Variants in TENM3 observed in about 807,000 individuals in gnomAD.
TENM3 encodes the protein teneurin transmembrane protein 3, also known as teneurin-3.
Under a neutral mutation model 255.1 loss-of-function variants are expected in TENM3, and 63 were observed. That is an observed-to-expected ratio of 0.25 (90% confidence interval 0.20 to 0.30). The LOEUF is 0.30. TENM3 is among the 10% of genes least tolerant of loss of function. The pLI is 1.00. For synonymous variants in TENM3, 1,306 were observed against 1,322.3 expected (o/e 0.99, Z 0.27); for missense variants, 2,929 against 3,461.1 (o/e 0.85, Z 3.86).
the TENM3 span, among the ~76,000 whole-genome samples, chr4:181,481,345 T>C: frequency 2.0e-4 from 30 of 152,258 alleles, no homozygotes; most frequent in African/African-American, 6.3e-4. Flanking sequence ...TATGAGTATA[T>C]GGCTTAATGT....
the TENM3 span, among the ~76,000 whole-genome samples, chr4:181,599,409 A>G: frequency 6.6e-6 from 1 of 152,234 alleles, no homozygotes; most frequent in Non-Finnish European, 1.5e-5. Flanking sequence ...AAACAGAGAA[A>G]CATTCTCAAA....
intron 5 of TENM3, among the ~76,000 whole-genome samples, chr4:182,653,275 G>A (rs1035796867): frequency 6.6e-6 from 1 of 151,988 alleles, no homozygotes; most frequent in Admixed American, 6.6e-5. Flanking sequence ...ATTATATTTT[G>A]TACAGCTGAA....
At chr4:181,739,849 C>T in the TENM3 span, among the ~76,000 whole-genome samples, 1 of 152,036 alleles carries the variant, frequency 6.6e-6, no homozygotes, top group Non-Finnish European at 1.5e-5. Flanking sequence ...TTTAAATAAT[C>T]GCATTCTCTT....
At chr4:181,511,466 A>G in the TENM3 span, among the ~76,000 whole-genome samples, 1 of 152,132 alleles carries the variant, frequency 6.6e-6, no homozygotes, top group Non-Finnish European at 1.5e-5. Flanking sequence ...GGGTACAGCA[A>G]GAAGGTGTTC....
chr4:181,521,484 A>G, the TENM3 span, among the ~76,000 whole-genome samples: 14 of 152,342 alleles, frequency 9.2e-5, no homozygotes, highest in African/African-American at 3.4e-4. Flanking sequence ...GTAATGAATG[A>G]TCGATTTTAT....
chr4:182,658,740 A>G lies in TENM3; in HGVS notation c.1111+4847A>G, dbSNP rs142627375. ...TTGCGTTCTTACTTAGGACACTGCG[A>G]TTGCTTTCAGATGTTAACCAAGGTT... is the stretch of plus-strand genomic sequence containing the variant. On this transcript the variant is annotated intron_variant, in intron 6 of 27. Transcript: ENST00000511685. 1.6e-3 allele frequency among the ~76,000 whole-genome samples: 243 copies of G among 152,334 alleles called. 3 individuals carry two copies. The highest frequency in any genetic ancestry group is 5.7e-3 in the African/African-American group (237 of 41,572).
At chr4:181,841,870 CT>C in the TENM3 span, among the ~76,000 whole-genome samples, 1 of 152,210 alleles carries the variant, frequency 6.6e-6, no homozygotes, top group African/African-American at 2.4e-5. Flanking sequence ...AATAAGGCCC[CT>C]TGAATGTTAG....
At chr4:182,763,997 C>G (rs762589210) in intron 22 of TENM3, among the ~76,000 whole-genome samples, 2 of 152,204 alleles carry the variant, frequency 1.3e-5, no homozygotes, top group African/African-American at 4.8e-5. Flanking sequence ...GTACCCCATT[C>G]TCCTTAACAC....
At chr4:182,283,937 T>C (rs1760563964) in intron 1 of TENM3, among the ~76,000 whole-genome samples, 2 of 152,168 alleles carry the variant, frequency 1.3e-5, no homozygotes, top group Non-Finnish European at 2.9e-5. Flanking sequence ...AATGCGGGTC[T>C]TTTGATGGTG....
At chr4:181,810,841 G>A in the TENM3 span, among the ~76,000 whole-genome samples, 2,318 of 152,144 alleles carry the variant, frequency 0.015, 65 homozygotes, top group African/African-American at 0.052. Context: ...TTCAGGGAGC[G>A]GCAAGCGTTC....
intron 3 of TENM3, among the ~76,000 whole-genome samples, chr4:182,540,382 G>C (rs905411601): frequency 1.3e-5 from 2 of 152,162 alleles, no homozygotes; most frequent in Non-Finnish European, 2.9e-5. Context: ...CTGAGGTCAG[G>C]AGTTTGAGAC....
the TENM3 span, among the ~76,000 whole-genome samples, chr4:181,941,599 T>C: frequency 6.6e-6 from 1 of 152,210 alleles, no homozygotes; most frequent in Admixed American, 6.5e-5. Context: ...TATTTTCTCA[T>C]TTCTTTCTTA....
chr4:182,364,354 T>G (rs1766252831), intron 3 of TENM3, among the ~76,000 whole-genome samples: 1 of 152,200 alleles, frequency 6.6e-6, no homozygotes, highest in Admixed American at 6.5e-5. Flanking sequence ...ATTCTTAATC[T>G]TTGTGTGTGT....
At chr4:181,784,394 C>T in the TENM3 span, among the ~76,000 whole-genome samples, 3 of 151,944 alleles carry the variant, frequency 2.0e-5, no homozygotes, top group Non-Finnish European at 4.4e-5. Context: ...TGTATTCCTA[C>T]AATAAAACAT....
the TENM3 span, among the ~76,000 whole-genome samples, chr4:181,467,125 ATTTTTTTTT>A: frequency 5.7e-5 from 1 of 17,616 alleles, no homozygotes; most frequent in African/African-American, 2.5e-4. Flanking sequence ...ATATATATAT[ATTTTTTTTT>A]TTTTTTTTTT....
intron 12 of TENM3, among the ~76,000 whole-genome samples, chr4:182,701,752 A>G (rs528940319): frequency 2.6e-5 from 4 of 152,342 alleles, no homozygotes; most frequent in Admixed American, 6.5e-5. Context: ...TAGATATGCA[A>G]TTATGACTAC....
At chr4:181,674,141 A>G in the TENM3 span, among the ~76,000 whole-genome samples, 1 of 152,054 alleles carries the variant, frequency 6.6e-6, no homozygotes, top group Admixed American at 6.6e-5. Context: ...GACTACAGGC[A>G]CATGGCATCA....
chr4:181,627,296 T>C, the TENM3 span, among the ~76,000 whole-genome samples: 2 of 152,180 alleles, frequency 1.3e-5, no homozygotes, highest in East Asian at 3.9e-4. Context: ...GATAATAATA[T>C]GCTATAAATA....
chr4:182,512,780 A>C (rs1057163053), intron 3 of TENM3, among the ~76,000 whole-genome samples: 1 of 152,166 alleles, frequency 6.6e-6, no homozygotes. Context: ...TCCCTCTCCT[A>C]ATGTGTAACA....
Sources: gnomAD v4.1 joint callset for allele counts (sites outside exome capture counted in the v4.1 genomes callset) on GRCh38, gnomAD v4.1.1 for gene constraint, MANE v1.5 for transcripts, NCBI Gene and HGNC (gene_info 2026-07-23, HGNC 2026-07-21) for gene names.